Variants in TJP1 observed in about 807,000 individuals in gnomAD.
The protein encoded by TJP1 is tight junction protein 1.
In TJP1, 43 loss-of-function variants were observed where a neutral mutation model predicts 194.2. The ratio of observed to expected loss-of-function variants is 0.22; its 90% CI spans 0.17 to 0.29. The LOEUF is 0.29. TJP1 is among the 10% of genes least tolerant of loss of function. TJP1 has a pLI of 1.00. For synonymous variants in TJP1, 801 were observed against 779.0 expected, an observed-to-expected ratio of 1.03 and a Z score of -0.47; for missense variants, 1,971 against 2,185.7, an observed-to-expected ratio of 0.90 and a Z score of 1.96.
rs775965439 is a variant in TJP1, at chr15:29,766,380, T to C, written c.475A>G (p.Arg159Gly). ...RRSEKIWPRD[R>G]SASRERSLSP... ...AAGCTCCTCTCTCTACTTGCACTTCTATCCCTCGGCCAAATCTTCTCACTC... is the reference window on the plus strand; with the variant it reads ...AAGCTCCTCTCTCTACTTGCACTTCCATCCCTCGGCCAAATCTTCTCACTC... Residue 159 changes from arginine to glycine, a missense_variant, in exon 5 of 28, where the codon AGA becomes GGA. Physicochemically the swap from Arg to Gly is moderately radical, Grantham distance 125 (BLOSUM62 -2). Coordinates refer to ENST00000614355, the MANE Select transcript of TJP1 (RefSeq NM_001330239.4). 1.2e-6 allele frequency: 2 copies of C among 1,614,200 alleles called. No individual in the cohort carries two copies. Among genetic ancestry groups the C allele is most frequent in the South Asian group, 1.1e-5 (1 of 91,080 alleles).
At chr15:29,954,694 A>G (rs533534891) in intron 2 of TJP1, among the ~76,000 whole-genome samples, 1 of 152,370 alleles carries the variant, frequency 6.6e-6, no homozygotes, top group Admixed American at 6.5e-5. Context: ...ATTCAAGAAC[A>G]TTTTAAGGTA....
At chr15:29,870,943 C>G (rs758781220) in intron 2 of TJP1, among the ~76,000 whole-genome samples, 1 of 152,206 alleles carries the variant, frequency 6.6e-6, no homozygotes, top group African/African-American at 2.4e-5. Context: ...TGTGTGATCA[C>G]TGGCCCAAGG....
At chr15:29,950,726 T>C (rs2055718232) in intron 2 of TJP1, among the ~76,000 whole-genome samples, 1 of 152,180 alleles carries the variant, frequency 6.6e-6, no homozygotes, top group Non-Finnish European at 1.5e-5. Flanking sequence ...CACCATTTCA[T>C]GCCCAGCTCC....
chr15:29,938,896 C>T (rs1187585206), intron 2 of TJP1, among the ~76,000 whole-genome samples: 2 of 152,126 alleles, frequency 1.3e-5, no homozygotes, highest in Non-Finnish European at 2.9e-5. Context: ...GAAAGCCCTG[C>T]CCCCATGTGG....
chr15:29,949,450 C>CACA (rs2055475404), intron 2 of TJP1, among the ~76,000 whole-genome samples: 4 of 129,124 alleles, frequency 3.1e-5, no homozygotes, highest in Admixed American at 8.4e-5. Flanking sequence ...CCTCCACCTT[C>CACA]ACCACCACTT....
chr15:29,940,123 A>G (rs1416155627), intron 2 of TJP1, among the ~76,000 whole-genome samples: 1 of 152,222 alleles, frequency 6.6e-6, no homozygotes, highest in African/African-American at 2.4e-5. Flanking sequence ...CATCCAAGTC[A>G]GGTTCGGAGG....
At chr15:29,941,451 T>C (rs1483245347) in intron 2 of TJP1, among the ~76,000 whole-genome samples, 1 of 152,122 alleles carries the variant, frequency 6.6e-6, no homozygotes, top group Admixed American at 6.5e-5. Context: ...GCAGAGCTAC[T>C]CTGGCTGAAG....
intron 2 of TJP1, among the ~76,000 whole-genome samples, chr15:29,917,547 G>A (rs772695624): frequency 3.3e-5 from 5 of 152,310 alleles, no homozygotes; most frequent in Admixed American, 6.5e-5. Flanking sequence ...AAATAGCAGA[G>A]GCTACAGAGG....
intron 5 of TJP1, among the ~76,000 whole-genome samples, 184 bp from the exon 6 acceptor site, chr15:29,762,622 C>G (rs1343225188): frequency 2.0e-5 from 3 of 152,158 alleles, no homozygotes; most frequent in African/African-American, 7.2e-5. Context: ...TGCAATGTCT[C>G]CGTGAAAGCC....
intron 2 of TJP1, among the ~76,000 whole-genome samples, chr15:29,908,273 A>AGAGCCTAAAAGCTTCCAAAGAGAC (rs1231011280): frequency 8.5e-5 from 13 of 152,172 alleles, no homozygotes; most frequent in African/African-American, 3.1e-4. Flanking sequence ...GATAAAGAGA[A>AGAGCCTAAAAGCTTCCAAAGAGAC]GAGCCTAAAA....
intron 2 of TJP1, among the ~76,000 whole-genome samples, chr15:29,917,034 AC>A (rs1310847425): frequency 6.6e-6 from 1 of 152,204 alleles, no homozygotes; most frequent in Non-Finnish European, 1.5e-5. Context: ...AGGATAGAAG[AC>A]ATTTAAGATT....
At chr15:29,798,866 C>T (rs764742991) in intron 2 of TJP1, among the ~76,000 whole-genome samples, 22 of 152,042 alleles carry the variant, frequency 1.4e-4, no homozygotes, top group Non-Finnish European at 2.1e-4. Context: ...TGGAGAAATC[C>T]CAAATGCATT....
chr15:29,918,104 C>T (rs1182651001), intron 2 of TJP1, among the ~76,000 whole-genome samples: 2 of 152,212 alleles, frequency 1.3e-5, no homozygotes, highest in Non-Finnish European at 2.9e-5. Flanking sequence ...GACTGACTCA[C>T]TTCACGCAGC....
chr15:29,827,305 CAGG>C (rs1252671779), upstream of TJP1, among the ~76,000 whole-genome samples: 3 of 152,342 alleles, frequency 2.0e-5, no homozygotes, highest in African/African-American at 7.2e-5. Flanking sequence ...GCATTCAGGT[CAGG>C]AGGTTTGCAT....
intron 2 of TJP1, among the ~76,000 whole-genome samples, chr15:29,837,990 G>A (rs2051093298): frequency 6.6e-6 from 1 of 152,198 alleles, no homozygotes; most frequent in South Asian, 2.1e-4. Flanking sequence ...TTAGACTTAG[G>A]AGGATTCATT....
chr15:29,699,707 A>AG (rs2041427011), downstream of TJP1: 1 of 152,334 alleles, frequency 6.6e-6, no homozygotes, highest in African/African-American at 2.4e-5. Context: ...TTAAGTAAGT[A>AG]GGATGTCCAC....
intron 8 of TJP1, among the ~76,000 whole-genome samples, chr15:29,750,004 G>A (rs1353761328): frequency 4.0e-5 from 6 of 150,116 alleles, no homozygotes; most frequent in East Asian, 2.0e-4. Flanking sequence ...CACTGTGTCC[G>A]GCTAATTTTT....
At chr15:29,757,242 A>AC (rs1413530737) in intron 8 of TJP1, among the ~76,000 whole-genome samples, 1 of 152,194 alleles carries the variant, frequency 6.6e-6, no homozygotes, top group Non-Finnish European at 1.5e-5. Context: ...CGCACATCCT[A>AC]AAAATATACA....
At chr15:29,944,397 G>C (rs1379185748) in intron 2 of TJP1, among the ~76,000 whole-genome samples, 3 of 152,064 alleles carry the variant, frequency 2.0e-5, no homozygotes, top group African/African-American at 7.2e-5. Flanking sequence ...GCCCGGCCTT[G>C]ACTTTTTAGT....
Sources: gnomAD v4.1 joint callset for allele counts (sites outside exome capture counted in the v4.1 genomes callset) on GRCh38, gnomAD v4.1.1 for gene constraint, MANE v1.5 for transcripts, NCBI Gene and HGNC (gene_info 2026-07-23, HGNC 2026-07-21) for gene names.